The following FAM240A variants were observed in gnomAD, a reference collection of about 807,000 sequenced individuals.
FAM240A encodes family with sequence similarity 240 member A.
Under a neutral mutation model 7.3 loss-of-function variants are expected in FAM240A, and 8 were observed. The observed-to-expected ratio is 1.09, with a 90% CI of 0.64 to 1.97. The LOEUF (loss-of-function observed/expected upper bound fraction) is 1.97, where lower values mean the gene tolerates loss of function less well. FAM240A is among the 30% of genes most tolerant of loss of function. The pLI is 0.00. For synonymous variants in FAM240A, 32 were observed against 35.9 expected (o/e 0.89, Z 0.38); for missense variants, 90 against 102.2 (o/e 0.88, Z 0.52).
chr3:46,617,141 CAT>C (rs1281293696), intron 1 of FAM240A, 40 bp from the exon 2 acceptor site: 3 of 1,309,348 alleles, frequency 2.3e-6, no homozygotes, highest in Admixed American at 4.7e-5. Context: ...AGCATTTCTT[CAT>C]ATGTTTTTTG....
At position 46,625,119 on chromosome 3, in the gene FAM240A, T is replaced by C. The variant is rs1211017325; in HGVS notation, c.162-9T>C. On this transcript the variant is annotated splice_polypyrimidine_tract_variant and intron_variant, in intron 2 of 2. Transcript: ENST00000640551. ...ATGCTCCATCTGTGTGTTTGGTTTC[T>C]ATTTTCAGGCTCAGAGAAGAATGGA... The C allele has an allele frequency of 7.2e-6, 11 of 1,532,538 alleles. No individual in the cohort carries two copies. The highest frequency in any genetic ancestry group is 9.6e-6 in the Non-Finnish European group (11 of 1,143,932). 94.9% of individuals were successfully genotyped at this position (1,532,538 alleles called of 1,614,324 possible). A position where few individuals can be genotyped will look rare whatever the true frequency, so the allele number is the denominator to read the frequency against.
At chr3:46,622,445 TAAG>T (rs755830140) in intron 2 of FAM240A, among the ~76,000 whole-genome samples, 12 of 152,174 alleles carry the variant, frequency 7.9e-5, no homozygotes, top group Non-Finnish European at 2.9e-5. Context: ...TTGTTGTATC[TAAG>T]AAGACTTTGC....
intron 2 of FAM240A, among the ~76,000 whole-genome samples, chr3:46,621,596 T>TA (rs1247954509): frequency 1.3e-5 from 2 of 151,954 alleles, no homozygotes; most frequent in Non-Finnish European, 1.5e-5. Flanking sequence ...TCTGTCCCTA[T>TA]AAAAAATACA....
intron 1 of FAM240A, among the ~76,000 whole-genome samples, chr3:46,613,098 A>G (rs572358962): frequency 3.9e-5 from 6 of 152,382 alleles, no homozygotes; most frequent in South Asian, 2.1e-4. Flanking sequence ...CTTTTTACCT[A>G]TGTTTACTGA....
intron 1 of FAM240A, among the ~76,000 whole-genome samples, chr3:46,614,715 A>C (rs1697608470): frequency 6.6e-6 from 1 of 152,242 alleles, no homozygotes; most frequent in Admixed American, 6.5e-5. Flanking sequence ...TACATAGGAC[A>C]TGGTTCAACT....
Position 46,625,220 on chromosome 3 carries a change from A to G in FAM240A, c.*2A>G, listed in dbSNP as rs1697743141. 1 of 1,529,360 alleles carries G rather than the reference A, an allele frequency of 6.5e-7. No individual in the cohort carries two copies. The highest frequency in any genetic ancestry group is 8.8e-7 in the Non-Finnish European group (1 of 1,142,588). 94.7% of individuals were successfully genotyped at this position (1,529,360 alleles called of 1,614,324 possible). ...GAAAAGAGGACAAATGTTGGCTGAG[A>G]GCTTCCTGCTTCATTGACACAAGAA... On this transcript the variant is annotated 3_prime_UTR_variant, in exon 3 of 3. Transcript: ENST00000640551.
chr3:46,622,994 T>G (rs1697714211), intron 2 of FAM240A, among the ~76,000 whole-genome samples: 1 of 152,206 alleles, frequency 6.6e-6, no homozygotes, highest in Non-Finnish European at 1.5e-5. Context: ...ATCTGATATA[T>G]GAACACAATA....
At position 46,617,084 on chromosome 3, in the gene FAM240A, T is replaced by A. The variant is rs966209963; in HGVS notation, c.16-99T>A. Reference sequence around the variant, plus strand: ...GTGGATTGGAGTAAGATGGTAGGTATCTCATTGTGGTTTTAATTTACATTT... The same window carrying A: ...GTGGATTGGAGTAAGATGGTAGGTAACTCATTGTGGTTTTAATTTACATTT... On this transcript the variant is annotated intron_variant, in intron 1 of 2. Coordinates refer to ENST00000640551, the MANE Select transcript of FAM240A (RefSeq NM_001195442.2). 2.4e-5 allele frequency: 19 copies of A among 793,250 alleles called. No homozygotes were observed. In the African/African-American group the frequency reaches 2.9e-4, roughly 12 times the overall value. 49.1% of individuals were successfully genotyped at this position (793,250 alleles called of 1,614,324 possible).
intron 1 of FAM240A, among the ~76,000 whole-genome samples, chr3:46,612,925 G>A (rs1575383599): frequency 6.6e-6 from 1 of 152,162 alleles, no homozygotes; most frequent in African/African-American, 2.4e-5. Flanking sequence ...CTACTAGGAG[G>A]AGCAGTTGTC....
rs1294290348 is a variant in FAM240A at position 46,625,250 on chromosome 3, C to A, written c.*32C>A. On this transcript the variant is annotated 3_prime_UTR_variant, in exon 3 of 3. Transcript: ENST00000640551. ...CCTGCTTCATTGACACAAGAAGATG[C>A]AAAACACTGAGGTCACTTTGCTAGA... 16 of 1,466,276 alleles carry A rather than the reference C, an allele frequency of 1.1e-5. No homozygotes were observed. The highest frequency in any genetic ancestry group is 1.5e-5 in the Non-Finnish European group (16 of 1,088,564). 90.8% of individuals were successfully genotyped at this position (1,466,276 alleles called of 1,614,324 possible). A position where few individuals can be genotyped will look rare whatever the true frequency, so the allele number is the denominator to read the frequency against.
intron 1 of FAM240A, 104 bp downstream of exon 1, chr3:46,612,802 G>A (rs1166425320): frequency 1.5e-5 from 13 of 880,546 alleles, no homozygotes; most frequent in South Asian, 7.2e-5. Flanking sequence ...GCAGCAGCAC[G>A]AATTCTCTCA....
At chr3:46,620,428 T>C (rs1212709483) in intron 2 of FAM240A, among the ~76,000 whole-genome samples, 1 of 133,174 alleles carries the variant, frequency 7.5e-6, no homozygotes, top group Non-Finnish European at 1.6e-5. Context: ...TCTGCTAACA[T>C]CAAAAAAGGT....
intron 2 of FAM240A, among the ~76,000 whole-genome samples, chr3:46,617,640 A>G (rs1223994360): frequency 6.6e-6 from 1 of 152,120 alleles, no homozygotes; most frequent in East Asian, 1.9e-4. Context: ...CATTCCTTTA[A>G]TTCTTATCTT....
chr3:46,619,519 C>T (rs939088393), intron 2 of FAM240A, among the ~76,000 whole-genome samples: 15 of 152,168 alleles, frequency 9.9e-5, no homozygotes, highest in Non-Finnish European at 1.5e-4. Context: ...CAAACCTCCC[C>T]CATTTTGGAA....
At chr3:46,618,872 T>TAC (rs1424585730) in intron 2 of FAM240A, among the ~76,000 whole-genome samples, 44 of 24,240 alleles carry the variant, frequency 1.8e-3, no homozygotes, top group African/African-American at 7.4e-3. Context: ...TATATGTATA[T>TAC]ATATATATAT....
intron 2 of FAM240A, among the ~76,000 whole-genome samples, chr3:46,620,585 C>CA: frequency 6.6e-6 from 1 of 151,238 alleles, no homozygotes; most frequent in Non-Finnish European, 1.5e-5. Context: ...GAATGGGTTA[C>CA]AGTCACACAG....
intron 1 of FAM240A, 150 bp downstream of exon 1, chr3:46,612,848 T>C: frequency 3.0e-6 from 2 of 670,972 alleles, no homozygotes; most frequent in South Asian, 3.5e-5. Context: ...GCAGAGGGGA[T>C]ACAGAGGAAT....
In FAM240A at chr3:46,625,620, A is replaced by G. The variant is rs3796369; in HGVS notation, c.*402A>G. The G allele has an allele frequency of 0.11, 17,015 of 152,550 alleles. 1,177 individuals carry two copies. The highest frequency in any genetic ancestry group is 0.33 in the East Asian group (1,703 of 5,198). 9.4% of individuals were successfully genotyped at this position (152,550 alleles called of 1,614,324 possible). On this transcript the variant is annotated 3_prime_UTR_variant, in exon 3 of 3. Transcript: ENST00000640551. Reference sequence around the variant, plus strand: ...GTATTGCCCCACCATTTCACCTAGGAAACACAGCTTTATGGAATTCTTGTT... The same window carrying G: ...GTATTGCCCCACCATTTCACCTAGGGAACACAGCTTTATGGAATTCTTGTT...
intron 1 of FAM240A, among the ~76,000 whole-genome samples, chr3:46,615,618 C>T (rs919690511): frequency 6.6e-5 from 10 of 152,168 alleles, no homozygotes; most frequent in Non-Finnish European, 1.2e-4. Context: ...GGGATAAGGT[C>T]CAAATCCTCT....
Sources: gnomAD v4.1 joint callset for allele counts (sites outside exome capture counted in the v4.1 genomes callset) on GRCh38, gnomAD v4.1.1 for gene constraint, MANE v1.5 for transcripts, NCBI Gene and HGNC (gene_info 2026-07-23, HGNC 2026-07-21) for gene names.